Variants in PALM2AKAP2 observed in about 807,000 individuals in gnomAD.
The protein encoded by PALM2AKAP2 is PALM2 and AKAP2 fusion.
In PALM2AKAP2, 37 loss-of-function variants were observed where a neutral mutation model predicts 71.5. The ratio of observed to expected loss-of-function variants is 0.52; its 90% confidence interval spans 0.40 to 0.68. PALM2AKAP2 has a LOEUF of 0.68. PALM2AKAP2 is among the 30% of genes least tolerant of loss of function. The pLI is 0.00. For synonymous variants in PALM2AKAP2, 468 were observed against 478.8 expected (o/e 0.98, Z 0.29); for missense variants, 1,224 against 1,191.8 (o/e 1.03, Z -0.40).
chr9:110,005,855 G>A (rs991025066), intron 6 of PALM2AKAP2, among the ~76,000 whole-genome samples: 16 of 152,316 alleles, frequency 1.1e-4, no homozygotes, highest in African/African-American at 3.6e-4. Flanking sequence ...CTGGTGTGCC[G>A]TTTGCTAAGA....
At chr9:110,118,315 C>T (rs1447831561) in intron 1 of PALM2AKAP2, among the ~76,000 whole-genome samples, 2 of 151,918 alleles carry the variant, frequency 1.3e-5, no homozygotes, top group African/African-American at 2.4e-5. Context: ...AGCACAATCT[C>T]GGCTCACTGC....
intron 1 of PALM2AKAP2, among the ~76,000 whole-genome samples, chr9:109,762,280 A>G (rs1829067631): frequency 6.6e-6 from 1 of 152,034 alleles, no homozygotes; most frequent in Non-Finnish European, 1.5e-5. Context: ...TTTTTACATA[A>G]TTATGTCTCC....
intron 1 of PALM2AKAP2, among the ~76,000 whole-genome samples, chr9:109,690,009 T>A (rs1388201651): frequency 1.4e-5 from 2 of 147,756 alleles, no homozygotes; most frequent in Non-Finnish European, 3.0e-5. Flanking sequence ...GGGGAAGAGT[T>A]TTTTTTTTTT....
chr9:109,694,763 C>T (rs10980005), intron 1 of PALM2AKAP2, among the ~76,000 whole-genome samples: 147 of 152,112 alleles, frequency 9.7e-4, no homozygotes, highest in Admixed American at 2.0e-3. Flanking sequence ...AACTGGCCCT[C>T]CATGTGTTCA....
intron 1 of PALM2AKAP2, among the ~76,000 whole-genome samples, chr9:109,724,074 G>A (rs1168338624): frequency 6.6e-6 from 1 of 152,160 alleles, no homozygotes; most frequent in African/African-American, 2.4e-5. Flanking sequence ...GGGGCTCAAT[G>A]TGAAGGCTTA....
intron 1 of PALM2AKAP2, among the ~76,000 whole-genome samples, chr9:109,703,240 T>G (rs1160257249): frequency 6.6e-6 from 1 of 152,220 alleles, no homozygotes; most frequent in Non-Finnish European, 1.5e-5. Context: ...GTATTCCCAG[T>G]AAAATGTATT....
At chr9:109,967,025 C>T (rs1408197834) in intron 6 of PALM2AKAP2, among the ~76,000 whole-genome samples, 1 of 152,184 alleles carries the variant, frequency 6.6e-6, no homozygotes, top group Admixed American at 6.5e-5. Context: ...ATGTTCTATG[C>T]TGTTGTTGTT....
At chr9:109,698,272 A>ATTTTTTTTTT (rs774359983) in intron 1 of PALM2AKAP2, among the ~76,000 whole-genome samples, 1 of 118,566 alleles carries the variant, frequency 8.4e-6, no homozygotes, top group African/African-American at 3.5e-5. Flanking sequence ...TGTGTGCTAC[A>ATTTTTTTTTT]TTTTTTTTTT....
intron 3 of PALM2AKAP2, among the ~76,000 whole-genome samples, chr9:109,889,680 T>C (rs1830042308): frequency 6.6e-6 from 1 of 152,248 alleles, no homozygotes; most frequent in Non-Finnish European, 1.5e-5. Flanking sequence ...ATTTCATGTG[T>C]GTTACTTAGC....
chr9:110,035,139 T>A (rs1833358397), intron 7 of PALM2AKAP2, among the ~76,000 whole-genome samples: 2 of 149,692 alleles, frequency 1.3e-5, no homozygotes, highest in Admixed American at 6.8e-5. Context: ...AGTGCTTTTT[T>A]TTCTGCCTAA....
chr9:109,867,281 C>A, intron 1 of PALM2AKAP2: 2 of 478,168 alleles, frequency 4.2e-6, no homozygotes, highest in African/African-American at 2.0e-5. Context: ...AGAATTTCTC[C>A]CACTCTTCGA....
intron 2 of PALM2AKAP2, among the ~76,000 whole-genome samples, chr9:110,138,931 A>G (rs1835963130): frequency 6.6e-6 from 1 of 152,204 alleles, no homozygotes; most frequent in Non-Finnish European, 1.5e-5. Context: ...GACCCTCAGT[A>G]TCTAGTTAAA....
intron 1 of PALM2AKAP2, among the ~76,000 whole-genome samples, chr9:109,671,394 T>C (rs917319887): frequency 1.3e-5 from 2 of 152,194 alleles, no homozygotes; most frequent in Non-Finnish European, 2.9e-5. Flanking sequence ...GTCAGGTTTG[T>C]TGAAGAACGG....
intron 7 of PALM2AKAP2, among the ~76,000 whole-genome samples, chr9:110,035,991 A>T (rs1346006017): frequency 4.0e-5 from 6 of 151,704 alleles, no homozygotes; most frequent in Non-Finnish European, 8.8e-5. Context: ...GCCCAGGCTC[A>T]AGTGCAGTGG....
intron 2 of PALM2AKAP2, among the ~76,000 whole-genome samples, chr9:109,877,795 G>T (rs918851166): frequency 1.4e-4 from 22 of 152,172 alleles, no homozygotes; most frequent in Non-Finnish European, 3.2e-4. Context: ...CCAGAGCTCA[G>T]GCTGTTAGCC....
chr9:109,774,660 C>T (rs1279538375), intron 1 of PALM2AKAP2, among the ~76,000 whole-genome samples: 1 of 150,640 alleles, frequency 6.6e-6, no homozygotes, highest in Non-Finnish European at 1.5e-5. Context: ...GATAGCTCAA[C>T]CCTTAAAAAA....
intron 3 of PALM2AKAP2, among the ~76,000 whole-genome samples, chr9:109,886,255 G>T (rs181588308): frequency 3.2e-3 from 487 of 152,232 alleles, no homozygotes; most frequent in African/African-American, 0.011. Context: ...TGTGTGGTGG[G>T]TCCCTGGAGG....
intron 6 of PALM2AKAP2, among the ~76,000 whole-genome samples, chr9:109,975,781 A>G (rs1832161189): frequency 6.6e-6 from 1 of 152,198 alleles, no homozygotes; most frequent in African/African-American, 2.4e-5. Context: ...AGCCACCATC[A>G]TACATTCCTT....
At chr9:110,135,162 A>ATATATATATATATATATATATATATATAT (rs1374083351) in intron 1 of PALM2AKAP2, among the ~76,000 whole-genome samples, 3 of 48,504 alleles carry the variant, frequency 6.2e-5, no homozygotes, top group African/African-American at 1.7e-4. Flanking sequence ...CAAAAAAAAA[A>ATATATATATATATATATATATATATATAT]AAATATATAA....
Sources: gnomAD v4.1 joint callset for allele counts (sites outside exome capture counted in the v4.1 genomes callset) on GRCh38, gnomAD v4.1.1 for gene constraint, MANE v1.5 for transcripts, NCBI Gene and HGNC (gene_info 2026-07-23, HGNC 2026-07-21) for gene names.